The following KCTD8 variants were observed in gnomAD, a reference collection of about 807,000 sequenced individuals.
The protein encoded by KCTD8 is BTB/POZ domain-containing protein KCTD8.
A neutral mutation model predicts 31.5 loss-of-function variants in KCTD8; 27 were observed. The observed-to-expected ratio is 0.86, with a 90% confidence interval of 0.63 to 1.18. The LOEUF (loss-of-function observed/expected upper bound fraction) is 1.18, where lower values mean the gene tolerates loss of function less well. KCTD8 is among the 50% of genes most tolerant of loss of function. The pLI, the probability that KCTD8 is intolerant of heterozygous loss-of-function variation, is 0.00. For synonymous variants in KCTD8, 290 were observed against 280.0 expected (o/e 1.04, Z -0.36); for missense variants, 658 against 647.7 (o/e 1.02, Z -0.17).
chr4:44,206,435 T>C (rs1287083508), intron 1 of KCTD8, among the ~76,000 whole-genome samples: 1 of 152,194 alleles, frequency 6.6e-6, no homozygotes, highest in Non-Finnish European at 1.5e-5. Context: ...CAAATGTTCA[T>C]GGCTAGTGGC....
chr4:44,326,842 A>T (rs190447964), intron 1 of KCTD8, among the ~76,000 whole-genome samples: 2 of 151,890 alleles, frequency 1.3e-5, no homozygotes, highest in Non-Finnish European at 2.9e-5. Context: ...CATGAGTAAC[A>T]GGTATTCTGA....
chr4:44,302,039 G>A (rs555677803), intron 1 of KCTD8, among the ~76,000 whole-genome samples: 65 of 152,166 alleles, frequency 4.3e-4, no homozygotes, highest in African/African-American at 7.7e-4. Context: ...GATATGTGGC[G>A]TTATTTCTGA....
intron 1 of KCTD8, among the ~76,000 whole-genome samples, chr4:44,306,016 TAATATTGCATATAAA>T (rs1325306187): frequency 1.3e-5 from 2 of 151,838 alleles, no homozygotes; most frequent in Non-Finnish European, 2.9e-5. Context: ...AGTTCAATAA[TAATATTGCATATAAA>T]AAAGCACTTA....
intron 1 of KCTD8, among the ~76,000 whole-genome samples, chr4:44,206,814 C>A (rs1476203088): frequency 6.6e-6 from 1 of 152,140 alleles, no homozygotes; most frequent in Non-Finnish European, 1.5e-5. Context: ...AAACATCTCC[C>A]AGTGATCAGT....
intron 1 of KCTD8, among the ~76,000 whole-genome samples, chr4:44,271,152 A>C (rs1716587307): frequency 6.6e-6 from 1 of 152,150 alleles, no homozygotes. Context: ...TCATGTTTAC[A>C]CTTACATTAT....
chr4:44,212,102 T>C (rs553688287), intron 1 of KCTD8, among the ~76,000 whole-genome samples: 1 of 152,282 alleles, frequency 6.6e-6, no homozygotes, highest in South Asian at 2.1e-4. Flanking sequence ...TATCAAAAGA[T>C]AGCACAAGGG....
chr4:44,373,865 TCAATA>T (rs1719852747), intron 1 of KCTD8, among the ~76,000 whole-genome samples: 1 of 152,188 alleles, frequency 6.6e-6, no homozygotes, highest in African/African-American at 2.4e-5. Flanking sequence ...AGATGTCCAG[TCAATA>T]CTCAACATAG....
chr4:44,277,538 T>TCATC (rs1448425165), intron 1 of KCTD8, among the ~76,000 whole-genome samples: 13 of 151,852 alleles, frequency 8.6e-5, no homozygotes, highest in African/African-American at 3.1e-4. Flanking sequence ...AATCATTCAT[T>TCATC]CATTCATTCA....
intron 1 of KCTD8, among the ~76,000 whole-genome samples, chr4:44,251,272 A>T (rs1715823612): frequency 6.6e-6 from 1 of 151,658 alleles, no homozygotes; most frequent in Admixed American, 6.6e-5. Flanking sequence ...ATTTTCTCTT[A>T]TATTCATAAA....
intron 1 of KCTD8, among the ~76,000 whole-genome samples, chr4:44,208,663 C>A (rs2109342503): frequency 6.6e-6 from 1 of 152,248 alleles, no homozygotes; most frequent in East Asian, 1.9e-4. Context: ...AGACTGAAGT[C>A]CTATGCCTCT....
intron 1 of KCTD8, among the ~76,000 whole-genome samples, chr4:44,314,460 A>G (rs1351554127): frequency 1.3e-5 from 2 of 152,122 alleles, no homozygotes; most frequent in African/African-American, 4.8e-5. Flanking sequence ...ATAGAAGCCA[A>G]TTAATAAGAT....
chr4:44,261,180 T>C (rs1716150208), intron 1 of KCTD8, among the ~76,000 whole-genome samples: 2 of 151,930 alleles, frequency 1.3e-5, no homozygotes, highest in Non-Finnish European at 2.9e-5. Flanking sequence ...ACTGGTGAAC[T>C]AATGGTAGTG....
At chr4:44,314,975 TAA>T (rs1229778268) in intron 1 of KCTD8, among the ~76,000 whole-genome samples, 1 of 151,668 alleles carries the variant, frequency 6.6e-6, no homozygotes, top group Non-Finnish European at 1.5e-5. Context: ...ATCTGGAGGT[TAA>T]GTTTTCAAAT....
At chr4:44,423,721 CT>C (rs1404745676) in intron 1 of KCTD8, among the ~76,000 whole-genome samples, 2 of 151,940 alleles carry the variant, frequency 1.3e-5, no homozygotes, top group African/African-American at 4.8e-5. Context: ...AAAACGAAAG[CT>C]TTTTGAATTC....
chr4:44,303,743 G>A (rs1717711947), intron 1 of KCTD8, among the ~76,000 whole-genome samples: 1 of 151,974 alleles, frequency 6.6e-6, no homozygotes, highest in Admixed American at 6.6e-5. Context: ...AGCCCAGGAG[G>A]CAGAGGTTGC....
intron 1 of KCTD8, among the ~76,000 whole-genome samples, chr4:44,295,043 A>G (rs1320939867): frequency 6.6e-6 from 1 of 152,186 alleles, no homozygotes; most frequent in Non-Finnish European, 1.5e-5. Context: ...CTGTAATCTC[A>G]GCACTTTGGG....
intron 1 of KCTD8, among the ~76,000 whole-genome samples, chr4:44,429,271 G>A (rs993171159): frequency 6.6e-6 from 1 of 151,768 alleles, no homozygotes; most frequent in Non-Finnish European, 1.5e-5. Context: ...ATTGGACAAG[G>A]GCTCACACAT....
intron 1 of KCTD8, among the ~76,000 whole-genome samples, chr4:44,207,487 C>A (rs908530011): frequency 6.6e-6 from 1 of 152,168 alleles, no homozygotes; most frequent in Non-Finnish European, 1.5e-5. Flanking sequence ...CTCCCACCTA[C>A]CTTACATATT....
intron 1 of KCTD8, among the ~76,000 whole-genome samples, chr4:44,203,659 AAAT>A (rs1160409414): frequency 2.0e-5 from 3 of 151,756 alleles, no homozygotes; most frequent in African/African-American, 7.2e-5. Context: ...AAATATAAGA[AAAT>A]AAATAAGATG....
Sources: allele counts gnomAD v4.1 joint callset (sites outside exome capture counted in the v4.1 genomes callset), GRCh38; gene constraint gnomAD v4.1.1; transcripts MANE v1.5; gene names NCBI Gene and HGNC (gene_info 2026-07-23, HGNC 2026-07-21).